The following UBE2E2 variants were observed in gnomAD, a reference collection of about 807,000 sequenced individuals.
UBE2E2 encodes the protein ubiquitin conjugating enzyme E2 E2.
A neutral mutation model predicts 24.7 loss-of-function variants in UBE2E2; 6 were observed. The ratio of observed to expected loss-of-function variants is 0.24; its 90% CI spans 0.13 to 0.48. The LOEUF is 0.48. Among genes scored for constraint, UBE2E2 ranks in the 20% least tolerant of loss-of-function variants. UBE2E2 has a pLI of 0.99. For synonymous variants in UBE2E2, 104 were observed against 83.6 expected (o/e 1.24, Z -1.33); for missense variants, 169 against 245.0 (o/e 0.69, Z 2.07).
intron 3 of UBE2E2, among the ~76,000 whole-genome samples, chr3:23,464,287 C>CTACAG (rs1244558923): frequency 2.0e-5 from 3 of 151,992 alleles, no homozygotes; most frequent in Non-Finnish European, 4.4e-5. Flanking sequence ...AGTAACTTAC[C>CTACAG]TTTATAGGAA....
chr3:23,358,025 G>T (rs1575584431), intron 3 of UBE2E2, among the ~76,000 whole-genome samples: 1 of 151,982 alleles, frequency 6.6e-6, no homozygotes, highest in African/African-American at 2.4e-5. Flanking sequence ...TTATAGAGAT[G>T]GAATTTCACC....
chr3:23,539,263 G>A (rs1399117658), intron 5 of UBE2E2, among the ~76,000 whole-genome samples: 1 of 152,160 alleles, frequency 6.6e-6, no homozygotes, highest in Non-Finnish European at 1.5e-5. Context: ...GTGAAAAGGA[G>A]CATTAACTGT....
At chr3:23,566,401 A>C (rs1304260055) in intron 5 of UBE2E2, among the ~76,000 whole-genome samples, 1 of 152,160 alleles carries the variant, frequency 6.6e-6, no homozygotes, top group Admixed American at 6.6e-5. Context: ...AAGAGACTGA[A>C]ACTTGGTTCA....
At chr3:23,470,023 G>T (rs970670720) in intron 3 of UBE2E2, among the ~76,000 whole-genome samples, 6 of 152,178 alleles carry the variant, frequency 3.9e-5, no homozygotes, top group African/African-American at 1.4e-4. Flanking sequence ...TTTAGGTAAA[G>T]GAAGCTGGTT....
intron 3 of UBE2E2, among the ~76,000 whole-genome samples, chr3:23,361,000 A>G (rs986653525): frequency 7.2e-5 from 11 of 152,140 alleles, no homozygotes; most frequent in Non-Finnish European, 1.5e-4. Flanking sequence ...AAAAAATCCC[A>G]TCAAAAAGTG....
At chr3:23,521,451 A>C (rs192228782) in intron 4 of UBE2E2, among the ~76,000 whole-genome samples, 1 of 152,370 alleles carries the variant, frequency 6.6e-6, no homozygotes, top group East Asian at 1.9e-4. Context: ...GAAATGAATC[A>C]TCTTGTCTAA....
intron 2 of UBE2E2, 90 bp downstream of exon 2, chr3:23,208,965 G>T (rs1307711764): frequency 7.5e-6 from 10 of 1,329,676 alleles, no homozygotes; most frequent in Non-Finnish European, 1.0e-5. Context: ...TTTTTTCTGG[G>T]ATGTCGGCCG....
At chr3:23,212,926 A>G (rs1326349149) in intron 2 of UBE2E2, among the ~76,000 whole-genome samples, 1 of 152,090 alleles carries the variant, frequency 6.6e-6, no homozygotes, top group African/African-American at 2.4e-5. Flanking sequence ...TCTTATTTGC[A>G]ATGGCAATGT....
At chr3:23,350,570 C>T (rs923928259) in intron 3 of UBE2E2, among the ~76,000 whole-genome samples, 4 of 152,166 alleles carry the variant, frequency 2.6e-5, no homozygotes, top group Non-Finnish European at 4.4e-5. Context: ...AGCCAAGGCT[C>T]GGGAACTACG....
rs544780307 is a variant in UBE2E2, at chr3:23,386,381, C to T, written c.228-113227C>T. Among the ~76,000 whole-genome samples, 3 of 152,248 alleles carry T rather than the reference C, an allele frequency of 2.0e-5. No homozygotes were observed. The East Asian group carries it at 5.8e-4, about 29-fold the overall frequency. ...TGACCTCATTACCTCCCAAAGGCCC[C>T]ACCTCCGAATGCAATCAGGTTGGGG... On this transcript the variant is annotated intron_variant, in intron 3 of 5. Coordinates refer to ENST00000396703, the MANE Select transcript of UBE2E2 (RefSeq NM_152653.4).
intron 3 of UBE2E2, among the ~76,000 whole-genome samples, chr3:23,418,928 C>G (rs1384923833): frequency 6.7e-6 from 1 of 148,576 alleles, no homozygotes; most frequent in Admixed American, 6.7e-5. Flanking sequence ...CTGTTCCAGT[C>G]TTTCTGATTT....
chr3:23,459,979 C>T (rs769743470), intron 3 of UBE2E2, among the ~76,000 whole-genome samples: 32 of 152,164 alleles, frequency 2.1e-4, no homozygotes, highest in Non-Finnish European at 4.1e-4. Context: ...AATTTCAAAT[C>T]CTGTGAGTTT....
chr3:23,423,800 C>G (rs904927651), intron 3 of UBE2E2, among the ~76,000 whole-genome samples: 3 of 152,180 alleles, frequency 2.0e-5, no homozygotes, highest in Non-Finnish European at 4.4e-5. Flanking sequence ...AACCCTACAT[C>G]TCTTCCTAAA....
chr3:23,458,522 A>G (rs1462273875), intron 3 of UBE2E2, among the ~76,000 whole-genome samples: 1 of 151,962 alleles, frequency 6.6e-6, no homozygotes, highest in Non-Finnish European at 1.5e-5. Flanking sequence ...GGTTCACACC[A>G]TGCTCCTGCC....
At chr3:23,293,189 C>CGTTA (rs1559336240) in intron 3 of UBE2E2, among the ~76,000 whole-genome samples, 1 of 152,244 alleles carries the variant, frequency 6.6e-6, no homozygotes, top group African/African-American at 2.4e-5. Context: ...ATCATCCTAA[C>CGTTA]GTTAGTCGTT....
intron 3 of UBE2E2, among the ~76,000 whole-genome samples, chr3:23,268,804 A>G (rs1698141176): frequency 6.6e-6 from 1 of 151,138 alleles, no homozygotes; most frequent in African/African-American, 2.4e-5. Context: ...TTCAAACTAT[A>G]CTACAAGGCT....
chr3:23,503,351 G>A (rs981540590), intron 4 of UBE2E2, among the ~76,000 whole-genome samples: 27 of 143,018 alleles, frequency 1.9e-4, no homozygotes, highest in African/African-American at 7.8e-4. Flanking sequence ...CACCACACTC[G>A]GCCTATTTTT....
At position 23,291,921 on chromosome 3, in the gene UBE2E2, C is replaced by G. The variant is rs577252908; in HGVS notation, c.227+74609C>G. Among the ~76,000 whole-genome samples, 4 of 137,278 alleles carry G rather than the reference C, an allele frequency of 2.9e-5. No individual in the cohort carries two copies. In the East Asian group the frequency reaches 6.8e-4, roughly 23 times the overall value. The allele number at this position is 137,278 out of a possible 152,430, so 90.1% of individuals were successfully genotyped here. ...TGGCCCAGGCCAGAGTGCAGTGGCA[C>G]GATCTCGGCTCACTGCAGGCTCCAC... On this transcript the variant is annotated intron_variant, in intron 3 of 5. Coordinates refer to ENST00000396703, the MANE Select transcript of UBE2E2 (RefSeq NM_152653.4).
At chr3:23,540,967 G>A (rs1401677146) in intron 5 of UBE2E2, among the ~76,000 whole-genome samples, 2 of 152,308 alleles carry the variant, frequency 1.3e-5, no homozygotes, top group South Asian at 2.1e-4. Flanking sequence ...TATTTAAACA[G>A]CATGTTTAAA....
Sources: gnomAD v4.1 joint callset for allele counts (sites outside exome capture counted in the v4.1 genomes callset) on GRCh38, gnomAD v4.1.1 for gene constraint, MANE v1.5 for transcripts, NCBI Gene and HGNC (gene_info 2026-07-23, HGNC 2026-07-21) for gene names.